SSH1: variants seen among roughly 807,000 people sequenced by gnomAD.
SSH1 encodes the protein slingshot protein phosphatase 1, also known as protein phosphatase Slingshot homolog 1.
In SSH1, 43 loss-of-function variants were observed where a neutral mutation model predicts 79.7. The ratio of observed to expected loss-of-function variants is 0.54; its 90% CI spans 0.42 to 0.70. SSH1 has a LOEUF of 0.70. Among genes scored for constraint, SSH1 ranks in the 30% least tolerant of loss-of-function variants. The pLI is 0.00. For missense variants in SSH1, 1,206 were observed against 1,358.8 expected (o/e 0.89, Z 1.77); for synonymous variants, 599 against 538.3 (o/e 1.11, Z -1.56).
At chr12:108,849,863 G>A (rs529750216) in intron 2 of SSH1, among the ~76,000 whole-genome samples, 2 of 80,432 alleles carry the variant, frequency 2.5e-5, no homozygotes, top group East Asian at 6.8e-4. Flanking sequence ...CTCCAAGAGG[G>A]AGCTAGGGGA....
rs1218383031 is a variant in SSH1, at chr12:108,786,032, AG to A, written c.*1955del. ...TTTAAAAATCACTCCAAGGAGACAAAGTCCTGGAGGGAGGATTTTTGCAAAA... is the reference window on the plus strand; with the variant it reads ...TTTAAAAATCACTCCAAGGAGACAAATCCTGGAGGGAGGATTTTTGCAAAA... On this transcript the variant is annotated 3_prime_UTR_variant, in exon 15 of 15. Transcript: ENST00000326495. The A allele has an allele frequency of 6.6e-6, 1 of 152,248 alleles. No individual in the cohort carries two copies. The highest frequency in any genetic ancestry group is 1.5e-5 in the Non-Finnish European group (1 of 68,036). The allele number at this position is 152,248 out of a possible 1,614,324, so 9.4% of individuals were successfully genotyped here. A position where few individuals can be genotyped will look rare whatever the true frequency, so the allele number is the denominator to read the frequency against.
At chr12:108,798,936 C>A in intron 13 of SSH1, 64 bp downstream of exon 13, 2 of 1,581,672 alleles carry the variant, frequency 1.3e-6, no homozygotes, top group Non-Finnish European at 1.7e-6. Flanking sequence ...AGAGGCCTGG[C>A]TGGCTTGGCC....
At position 108,834,478 on chromosome 12, in the gene SSH1, C is replaced by T. The variant is rs2137234908; in HGVS notation, c.111-11117G>A. Reference sequence around the variant, plus strand: ...GTCACATACAGTCGGTCCTCTGTATCCGCGGGTTCCTCATCAGTGGATTCA... The same window carrying T: ...GTCACATACAGTCGGTCCTCTGTATTCGCGGGTTCCTCATCAGTGGATTCA... On this transcript the variant is annotated intron_variant, in intron 2 of 14. Coordinates refer to ENST00000326495, the MANE Select transcript of SSH1 (RefSeq NM_018984.4). 1.3e-5 allele frequency: 2 copies of T among 152,394 alleles called. 1 individual carries two copies. Among genetic ancestry groups the T allele is most frequent in the African/African-American group, 4.8e-5 (2 of 41,572 alleles). The allele number at this position is 152,394 out of a possible 1,614,324, so 9.4% of individuals were successfully genotyped here.
At chr12:108,796,169 G>GC (rs1245916434) in intron 13 of SSH1, among the ~76,000 whole-genome samples, 1 of 152,194 alleles carries the variant, frequency 6.6e-6, no homozygotes, top group Non-Finnish European at 1.5e-5. Context: ...ACCTGCCTCG[G>GC]CCTCTTAAAG....
In SSH1 at chr12:108,781,803, A is replaced by C. The variant is rs1389084402; in HGVS notation, c.*6185T>G. 3 of 152,208 alleles carry C rather than the reference A, an allele frequency of 2.0e-5. No homozygotes were observed. The highest frequency in any genetic ancestry group is 4.4e-5 in the Non-Finnish European group (3 of 68,044). The allele number at this position is 152,208 out of a possible 1,614,324, so 9.4% of individuals were successfully genotyped here. A position where few individuals can be genotyped will look rare whatever the true frequency, so the allele number is the denominator to read the frequency against. Reference sequence around the variant, plus strand: ...CTCCCTGACTACACAGCAGAAAGCAAAGAACTCTAAGGAGGCAGAATTTTA... The same window carrying C: ...CTCCCTGACTACACAGCAGAAAGCACAGAACTCTAAGGAGGCAGAATTTTA... On this transcript the variant is annotated 3_prime_UTR_variant, in exon 15 of 15. Coordinates refer to ENST00000326495, the MANE Select transcript of SSH1 (RefSeq NM_018984.4).
At chr12:108,816,812 C>T (rs2037909563) in intron 5 of SSH1, among the ~76,000 whole-genome samples, 1 of 27,982 alleles carries the variant, frequency 3.6e-5, no homozygotes, top group South Asian at 9.2e-4. Context: ...AACTTTCTGT[C>T]CTCTCAATTG....
chr12:108,815,708 C>A (rs2037853318), intron 5 of SSH1, among the ~76,000 whole-genome samples: 1 of 152,206 alleles, frequency 6.6e-6, no homozygotes, highest in African/African-American at 2.4e-5. Flanking sequence ...ATCCGAACAC[C>A]TCCTATGCTA....
chr12:108,830,425 C>T (rs1051052449), intron 2 of SSH1, among the ~76,000 whole-genome samples: 2 of 152,310 alleles, frequency 1.3e-5, no homozygotes, highest in East Asian at 3.9e-4. Context: ...GGAGTCCCCA[C>T]TGCACTCCAG....
intron 4 of SSH1, among the ~76,000 whole-genome samples, chr12:108,818,024 A>AC (rs976629006): frequency 6.6e-6 from 1 of 152,016 alleles, no homozygotes; most frequent in African/African-American, 2.4e-5. Flanking sequence ...AAATAGCAAG[A>AC]CCCCATATCC....
At chr12:108,809,825 T>C in intron 6 of SSH1, 67 bp from the exon 7 acceptor site, 1 of 1,416,306 alleles carries the variant, frequency 7.1e-7, no homozygotes, top group Admixed American at 1.7e-5. Context: ...GAAATCACTC[T>C]GGGAGGAGGG....
chr12:108,794,792 T>C (rs916788801), intron 13 of SSH1, among the ~76,000 whole-genome samples: 1 of 152,058 alleles, frequency 6.6e-6, no homozygotes, highest in African/African-American at 2.4e-5. Context: ...CCCAAGATCT[T>C]TACCCTAAAG....
intron 4 of SSH1, 68 bp from the exon 5 acceptor site, chr12:108,817,227 G>A (rs760058448): frequency 1.3e-6 from 2 of 1,599,162 alleles, no homozygotes; most frequent in Non-Finnish European, 8.5e-7. Context: ...CATCTCCAAT[G>A]CAAGATCAAC....
intron 2 of SSH1, among the ~76,000 whole-genome samples, chr12:108,828,622 C>G (rs576145195): frequency 6.6e-6 from 1 of 152,090 alleles, no homozygotes; most frequent in Non-Finnish European, 1.5e-5. Context: ...TCCAGGAAGA[C>G]GAGACTGTGC....
In SSH1 at chr12:108,857,242, G is replaced by A. The variant is rs1439719740; in HGVS notation, c.69+186C>T. Among the ~76,000 whole-genome samples, 1 of 152,000 alleles carries A rather than the reference G, an allele frequency of 6.6e-6. No homozygotes were observed. Among genetic ancestry groups the A allele is most frequent in the East Asian group, 1.9e-4 (1 of 5,154 alleles). ...ACAAAGTCCCCGCACAGCTCCCCAA[G>A]ACAGGGTCACATCGCACACAGTCCT... On this transcript the variant is annotated intron_variant, in intron 1 of 14. Transcript: ENST00000326495. The surrounding 1 kb of genome is among the most constrained non-coding windows in gnomAD (Gnocchi z 4.7).
chr12:108,847,426 G>A (rs1361507861), intron 2 of SSH1, among the ~76,000 whole-genome samples: 2 of 152,168 alleles, frequency 1.3e-5, no homozygotes, highest in Non-Finnish European at 2.9e-5. Context: ...GGAATTTACT[G>A]CAGGGTCAAA....
chr12:108,814,652 G>A (rs942972510), intron 5 of SSH1, among the ~76,000 whole-genome samples: 16 of 152,310 alleles, frequency 1.1e-4, no homozygotes, highest in East Asian at 3.9e-4. Flanking sequence ...CCTCTCAACC[G>A]CCCTCTCCAA....
At chr12:108,826,689 T>C (rs1365843853) in intron 2 of SSH1, among the ~76,000 whole-genome samples, 1 of 152,136 alleles carries the variant, frequency 6.6e-6, no homozygotes, top group Non-Finnish European at 1.5e-5. Context: ...GTGGCTGACC[T>C]GAATACTGTA....
In SSH1 at chr12:108,788,175, G is replaced by T; in HGVS notation, c.2963C>A (p.Ser988Ter). 6.2e-7 allele frequency: 1 copy of T among 1,614,084 alleles called. No individual in the cohort carries two copies. The highest frequency in any genetic ancestry group is 8.5e-7 in the Non-Finnish European group (1 of 1,180,026). ...SLAKLGSLTF[S>*]TEDLSSEADP... ...AGCCTCACTGGACAGGTCTTCCGTTGAGAAGGTGAGACTCCCCAGCTTGGC... is the reference window on the plus strand; with the variant it reads ...AGCCTCACTGGACAGGTCTTCCGTTTAGAAGGTGAGACTCCCCAGCTTGGC... Residue 988 changes from serine to a stop codon, truncating the protein, a stop_gained, in exon 15 of 15, where the codon TCA becomes TAA. Coordinates refer to ENST00000326495, the MANE Select transcript of SSH1 (RefSeq NM_018984.4). LOFTEE classifies it low-confidence loss of function (END_TRUNC).
At chr12:108,810,530 GA>G (rs201381893) in intron 6 of SSH1, among the ~76,000 whole-genome samples, 2 of 150,692 alleles carry the variant, frequency 1.3e-5, no homozygotes, top group African/African-American at 2.4e-5. Context: ...GAAAAAAAGA[GA>G]AAAAAAAATT....
Sources: allele counts gnomAD v4.1 joint callset (sites outside exome capture counted in the v4.1 genomes callset), GRCh38; gene constraint gnomAD v4.1.1; non-coding constraint Gnocchi (gnomAD v3.1); transcripts MANE v1.5; gene names NCBI Gene and HGNC (gene_info 2026-07-23, HGNC 2026-07-21).